The following KNTC1 variants were observed in gnomAD, a reference collection of about 807,000 sequenced individuals.
The protein encoded by KNTC1 is kinetochore associated 1.
In KNTC1, 253 loss-of-function variants were observed where a neutral mutation model predicts 314.4. The observed-to-expected ratio is 0.80, with a 90% CI of 0.73 to 0.89. KNTC1 has a LOEUF of 0.89. Ranked by LOEUF, KNTC1 falls within the 40% of genes least tolerant of loss-of-function variation. The pLI, the probability that KNTC1 is intolerant of heterozygous loss-of-function variation, is 0.00. For synonymous variants in KNTC1, 901 were observed against 901.4 expected (o/e 1.00, Z 0.01); for missense variants, 2,475 against 2,572.9 (o/e 0.96, Z 0.82).
At chr12:122,625,370 C>T (rs2138209852) in intron 63 of KNTC1, among the ~76,000 whole-genome samples, 1 of 151,886 alleles carries the variant, frequency 6.6e-6, no homozygotes, top group South Asian at 2.1e-4. Flanking sequence ...GCCACTGCAC[C>T]CCAACCTGGC....
In KNTC1 at chr12:122,580,600, C is replaced by T. The variant is rs1201807391; in HGVS notation, c.2915-3C>T. 6.5e-7 allele frequency: 1 copy of T among 1,540,336 alleles called. No homozygotes were observed. The highest frequency in any genetic ancestry group is 8.8e-7 in the Non-Finnish European group (1 of 1,135,356). On this transcript the variant is annotated splice_region_variant and splice_polypyrimidine_tract_variant and intron_variant, in intron 32 of 63. Transcript: ENST00000333479. ...GCTATAACTTTTAAAAATTTAATTA[C>T]AGACAATCTGCAGAAGAAGGACGAA...
intron 2 of KNTC1, among the ~76,000 whole-genome samples, chr12:122,534,090 T>C (rs1336878365): frequency 6.6e-6 from 1 of 152,236 alleles, no homozygotes; most frequent in African/African-American, 2.4e-5. Context: ...CTGGAGACTC[T>C]GATTTGGCTT....
At chr12:122,568,407 A>G (rs201350031) in intron 21 of KNTC1, 35 bp downstream of exon 21, 21 of 1,136,960 alleles carry the variant, frequency 1.8e-5, no homozygotes, top group Non-Finnish European at 2.4e-5. Flanking sequence ...TAACAGCTTT[A>G]TAGCTCCTGA....
Position 122,604,611 on chromosome 12 carries a change from A to T in KNTC1, c.5149A>T (p.Arg1717Ter). ...GAAATTCTGCCTTTATTTAGCTGAG[A>T]GATGGCTACAGAATATCCCATCGCA... ...ALKFCLYLAE[R>*]WLQNIPSQDE... Residue 1717 changes from arginine to a stop codon, truncating the protein, a stop_gained, in exon 49 of 64, where the codon AGA (arginine) becomes TGA (stop). Coordinates refer to ENST00000333479, the MANE Select transcript of KNTC1 (RefSeq NM_014708.6). LOFTEE classifies it high-confidence loss of function. The T allele has an allele frequency of 6.3e-7, 1 of 1,596,940 alleles. No homozygotes were observed.
intron 1 of KNTC1, among the ~76,000 whole-genome samples, chr12:122,529,770 T>C (rs185351753): frequency 2.3e-3 from 351 of 152,326 alleles, no homozygotes; most frequent in African/African-American, 7.9e-3. Flanking sequence ...CTAAGATACA[T>C]TGGTAAGATC....
chr12:122,567,193 C>T (rs1205335203), intron 20 of KNTC1, among the ~76,000 whole-genome samples: 1 of 151,980 alleles, frequency 6.6e-6, no homozygotes, highest in Non-Finnish European at 1.5e-5. Flanking sequence ...GCCTCAGCCT[C>T]CCGAGTAGCT....
In KNTC1 at chr12:122,579,905, G is replaced by A. The variant is rs1394188711; in HGVS notation, c.2842G>A (p.Gly948Ser). 1 of 1,602,142 alleles carries A rather than the reference G, an allele frequency of 6.2e-7. No individual in the cohort carries two copies. The highest frequency in any genetic ancestry group is 1.7e-4 in the Middle Eastern group (1 of 6,044). ...LQEEPDHSKE[G>S]KAWRMSVAKT... is the part of the protein sequence containing the mutation. ...TTTCGCTTTATTTATTTATTTTTAG[G>A]GCAAGGCCTGGAGAATGTCTGTAGC... The change falls in exon 32 of 64, where the codon GGC (glycine) becomes AGC (serine). Residue 948 changes from glycine (G) to serine (S), a missense_variant and splice_region_variant. Physicochemically the swap from Gly to Ser is moderately conservative, Grantham distance 56. Coordinates refer to ENST00000333479, the MANE Select transcript of KNTC1 (RefSeq NM_014708.6).
intron 21 of KNTC1, among the ~76,000 whole-genome samples, chr12:122,569,301 G>A (rs1029308445): frequency 6.6e-6 from 1 of 152,144 alleles, no homozygotes; most frequent in East Asian, 1.9e-4. Flanking sequence ...CCTTAAAATT[G>A]CTTGTCTCGA....
chr12:122,576,857 G>GT, intron 29 of KNTC1, 38 bp from the exon 30 acceptor site: 1 of 1,490,520 alleles, frequency 6.7e-7, no homozygotes, highest in Non-Finnish European at 8.9e-7. Flanking sequence ...TTTTCTGTGA[G>GT]TTCTATAACA....
intron 5 of KNTC1, among the ~76,000 whole-genome samples, chr12:122,541,112 G>A (rs978847682): frequency 6.6e-6 from 1 of 151,894 alleles, no homozygotes; most frequent in Non-Finnish European, 1.5e-5. Flanking sequence ...AGCTGCGATC[G>A]CTGCACTGCA....
At chr12:122,536,982 G>A (rs1961888655) in intron 3 of KNTC1, among the ~76,000 whole-genome samples, 1 of 152,190 alleles carries the variant, frequency 6.6e-6, no homozygotes, top group Non-Finnish European at 1.5e-5. Context: ...ACCCTGATTG[G>A]TCCACAAGAT....
intron 16 of KNTC1, 102 bp from the exon 17 acceptor site, chr12:122,557,282 C>T (rs1963663746): frequency 9.0e-7 from 1 of 1,114,752 alleles, no homozygotes; most frequent in Admixed American, 2.4e-5. Context: ...TGAGGATTCA[C>T]CTTTTTGAAG....
chr12:122,620,622 G>A lies in KNTC1; in HGVS notation c.6279+14G>A, dbSNP rs1395952956. ...CAGCAAATTAAGGTATCGTGCACAT[G>A]ATTCCTCTGGGCTGCCAAGGAAATA... On this transcript the variant is annotated intron_variant, in intron 60 of 63. Coordinates refer to ENST00000333479, the MANE Select transcript of KNTC1 (RefSeq NM_014708.6). 6.2e-7 allele frequency: 1 copy of A among 1,610,946 alleles called. No homozygotes were observed. Among genetic ancestry groups the A allele is most frequent in the Non-Finnish European group, 8.5e-7 (1 of 1,178,266 alleles).
At position 122,620,965 on chromosome 12, in the gene KNTC1, G is replaced by A. The variant is rs1027116208; in HGVS notation, c.6279+357G>A. On this transcript the variant is annotated intron_variant, in intron 60 of 63. Transcript: ENST00000333479. ...GAAGTGAAACAGTTGGGAAGATGTT[G>A]CATTTGAGTAGAATTTTATCCCACT... Among the ~76,000 whole-genome samples, 13 of 152,344 alleles carry A rather than the reference G, an allele frequency of 8.5e-5. No individual in the cohort carries two copies. The East Asian group carries it at 2.1e-3, about 25-fold the overall frequency.
At position 122,564,517 on chromosome 12, in the gene KNTC1, C is replaced by T. The variant is rs540138134; in HGVS notation, c.1604+1818C>T. ...AGTCTGGCCCAGGTGCAGTGGCTCA[C>T]GCCTGTAATCCCAACACTTTGGGAT... On this transcript the variant is annotated intron_variant, in intron 20 of 63. Transcript: ENST00000333479. Among the ~76,000 whole-genome samples the T allele has an allele frequency of 8.5e-5, 13 of 152,140 alleles. No homozygotes were observed. The South Asian group carries it at 2.7e-3, about 32-fold the overall frequency.
intron 16 of KNTC1, 49 bp from the exon 17 acceptor site, chr12:122,557,335 A>G (rs1409400084): frequency 1.3e-6 from 2 of 1,565,624 alleles, no homozygotes; most frequent in Non-Finnish European, 1.7e-6. Flanking sequence ...AGCCATCCAC[A>G]GGTATTATTG....
chr12:122,593,947 C>A lies in KNTC1; in HGVS notation c.4246-329C>A, dbSNP rs751006909. ...AGACATTTTATTTGCCAACAGTTGA[C>A]TTATCAGAAAGGTAATCAGTACAGA... is the stretch of plus-strand genomic sequence containing the variant. On this transcript the variant is annotated intron_variant, in intron 42 of 63. Coordinates refer to ENST00000333479, the MANE Select transcript of KNTC1 (RefSeq NM_014708.6). The A allele has an allele frequency of 5.1e-4, 105 of 204,278 alleles. 1 individual carries two copies. Among genetic ancestry groups the A allele is most frequent in the Non-Finnish European group, 8.8e-4 (90 of 102,660 alleles). The allele number at this position is 204,278 out of a possible 1,614,324, so 12.7% of individuals were successfully genotyped here. A position where few individuals can be genotyped will look rare whatever the true frequency, so the allele number is the denominator to read the frequency against.
chr12:122,598,421 C>CTTTTTTTTTTTTT (rs11395342), intron 44 of KNTC1, among the ~76,000 whole-genome samples: 9 of 124,280 alleles, frequency 7.2e-5, no homozygotes, highest in African/African-American at 9.0e-5. Flanking sequence ...TTTTTCTTTT[C>CTTTTTTTTTTTTT]TTTTTTTTTT....
rs535144791 is a variant in KNTC1, at chr12:122,573,329, A to T, written c.2283+44A>T. The T allele has an allele frequency of 4.1e-5, 63 of 1,524,076 alleles. 1 individual carries two copies. In the South Asian group the frequency reaches 7.0e-4, roughly 17 times the overall value. 94.4% of individuals were successfully genotyped at this position (1,524,076 alleles called of 1,614,324 possible). A position where few individuals can be genotyped will look rare whatever the true frequency, so the allele number is the denominator to read the frequency against. ...CTAGTCTTATTTCTTGGATCTATGC[A>T]GTGTAGCACTGTAGTAAATATTTAA... On this transcript the variant is annotated intron_variant, in intron 26 of 63. Coordinates refer to ENST00000333479, the MANE Select transcript of KNTC1 (RefSeq NM_014708.6).
Sources: gnomAD v4.1 joint callset for allele counts (sites outside exome capture counted in the v4.1 genomes callset) on GRCh38, gnomAD v4.1.1 for gene constraint, MANE v1.5 for transcripts, NCBI Gene and HGNC (gene_info 2026-07-23, HGNC 2026-07-21) for gene names.